The following TNS1 variants were observed in gnomAD, a reference collection of about 807,000 sequenced individuals.
The protein encoded by TNS1 is tensin-1.
Under a neutral mutation model 168.6 loss-of-function variants are expected in TNS1, and 62 were observed. That is an observed-to-expected ratio of 0.37 (90% CI 0.30 to 0.45). TNS1 has a LOEUF of 0.45. Ranked by LOEUF, TNS1 falls within the 20% of genes least tolerant of loss-of-function variation. The pLI is 1.00. For synonymous variants in TNS1, 934 were observed against 933.2 expected (o/e 1.00, Z -0.02); for missense variants, 2,240 against 2,339.4 (o/e 0.96, Z 0.88).
At chr2:217,941,098 C>T (rs531615126) in intron 3 of TNS1, among the ~76,000 whole-genome samples, 3 of 152,366 alleles carry the variant, frequency 2.0e-5, no homozygotes, top group South Asian at 2.1e-4. Flanking sequence ...GAAACTGAGG[C>T]TCATATGAGA....
At chr2:217,954,698 G>T (rs1352061013) in intron 3 of TNS1, among the ~76,000 whole-genome samples, 1 of 152,118 alleles carries the variant, frequency 6.6e-6, no homozygotes, top group East Asian at 1.9e-4. Context: ...ACTGTCAAGA[G>T]CCCCAGCAGC....
chr2:218,029,652 T>C (rs147354169), intron 1 of TNS1, among the ~76,000 whole-genome samples: 81 of 152,350 alleles, frequency 5.3e-4, no homozygotes, highest in Middle Eastern at 3.4e-3. Context: ...AAAGAATACA[T>C]ATGATGTGCT....
At position 217,894,914 on chromosome 2, in the gene TNS1, C is replaced by T. The variant is rs1393542912; in HGVS notation, c.594+92G>A. 2.0e-5 allele frequency: 25 copies of T among 1,262,238 alleles called. 1 individual carries two copies. Among genetic ancestry groups the T allele is most frequent in the Non-Finnish European group, 2.5e-5 (22 of 878,884 alleles). 78.2% of individuals were successfully genotyped at this position (1,262,238 alleles called of 1,614,324 possible). A position where few individuals can be genotyped will look rare whatever the true frequency, so the allele number is the denominator to read the frequency against. ...TCGGCACTCTGACAAACTGTCACAG[C>T]ATTTTCCCCAAGATTATTATGTGGG... On this transcript the variant is annotated intron_variant, in intron 9 of 32. Coordinates refer to ENST00000682258, the MANE Select transcript of TNS1 (RefSeq NM_001387777.1).
At position 217,825,066 on chromosome 2, in the gene TNS1, G is replaced by A. The variant is rs145570019; in HGVS notation, c.3374-3128C>T. On this transcript the variant is annotated intron_variant, in intron 22 of 32. Transcript: ENST00000682258. ...ACATCCATTTTTCTCATTCCCTGAA[G>A]TTCAAGTTGAAACCTATGTGAATGA... 2.4e-3 allele frequency among the ~76,000 whole-genome samples: 366 copies of A among 152,292 alleles called. 4 individuals are homozygous for A. The highest frequency in any genetic ancestry group is 9.2e-3 in the Admixed American group (140 of 15,300).
At chr2:217,952,023 A>G (rs964238100) in intron 3 of TNS1, among the ~76,000 whole-genome samples, 3 of 152,364 alleles carry the variant, frequency 2.0e-5, no homozygotes, top group African/African-American at 7.2e-5. Context: ...ACACAGCCAG[A>G]TGGGCCCCTG....
Position 217,818,343 on chromosome 2 carries a change from T to A in TNS1, c.3989A>T (p.His1330Leu). 7 of 1,614,070 alleles carry A rather than the reference T, an allele frequency of 4.3e-6. No homozygotes were observed. Among genetic ancestry groups the A allele is most frequent in the Non-Finnish European group, 5.9e-6 (7 of 1,180,024 alleles). ...QMMGPPGTGFHGSTVSSPQSS... is the reference protein window; with the variant it reads ...QMMGPPGTGFLGSTVSSPQSS... ...CTGGGGGCTGGAGACAGTGCTACCA[T>A]GGAAGCCAGTGCCTGGTGGACCCAT... Residue 1330 changes from histidine to leucine, a missense_variant, in exon 24 of 33, where the codon CAT becomes CTT. Coordinates refer to ENST00000682258, the MANE Select transcript of TNS1 (RefSeq NM_001387777.1).
At chr2:217,967,094 C>T (rs138086185) in intron 3 of TNS1, among the ~76,000 whole-genome samples, 5,221 of 152,132 alleles carry the variant, frequency 0.034, 313 homozygotes, top group African/African-American at 0.12. Flanking sequence ...CTGAGGTGGG[C>T]GGATCACGAG....
At chr2:217,884,669 G>C (rs1951023396) in intron 16 of TNS1, among the ~76,000 whole-genome samples, 1 of 151,942 alleles carries the variant, frequency 6.6e-6, no homozygotes, top group Admixed American at 6.6e-5. Context: ...ACTTGGTACA[G>C]ATCCTAGCCC....
At position 217,808,226 on chromosome 2, in the gene TNS1, C is replaced by T. The variant is rs181430231; in HGVS notation, c.5343-119G>A. The T allele has an allele frequency of 1.6e-5, 19 of 1,198,210 alleles. No individual in the cohort carries two copies. The African/African-American group carries it at 2.7e-4, about 17-fold the overall frequency. The allele number at this position is 1,198,210 out of a possible 1,614,324, so 74.2% of individuals were successfully genotyped here. The stretch of plus-strand genomic sequence containing the variant: ...GGAGAGGAGCTGCCCCCCATTCCCC[C>T]CTCATTCCCCCATTCCCCCATTCCC... On this transcript the variant is annotated intron_variant, in intron 31 of 32. Coordinates refer to ENST00000682258, the MANE Select transcript of TNS1 (RefSeq NM_001387777.1).
rs966959601 is a variant in TNS1 at position 218,033,797 on chromosome 2, T to A, written c.156+23A>T. 1.3e-5 allele frequency among the ~76,000 whole-genome samples: 2 copies of A among 152,102 alleles called. No individual in the cohort carries two copies. The highest frequency in any genetic ancestry group is 6.5e-5 in the Admixed American group (1 of 15,290). On this transcript the variant is annotated intron_variant, in intron 1 of 1. Transcript: ENST00000649572. This position sits in a 1 kb window ranked among gnomAD's most constrained non-coding sequence, Gnocchi z 4.3. ...AGCTCCCGACTCGGGGCGTCGTCCC[T>A]CACCCATTCCCGCAGCCCCTACCTG...
intron 3 of TNS1, among the ~76,000 whole-genome samples, chr2:217,942,280 CG>C: frequency 6.6e-6 from 1 of 152,272 alleles, no homozygotes; most frequent in East Asian, 1.9e-4. Flanking sequence ...GGTGCTCGGC[CG>C]GACTGGCCGA....
intron 21 of TNS1, among the ~76,000 whole-genome samples, chr2:217,832,714 G>A (rs953542093): frequency 6.6e-6 from 1 of 152,206 alleles, no homozygotes; most frequent in Non-Finnish European, 1.5e-5. Flanking sequence ...TAACTCGTTT[G>A]TGCAGGTGAA....
In TNS1 at chr2:217,900,492, C is replaced by T. The variant is rs1214704736; in HGVS notation, c.342G>A (p.Pro114=). The T allele has an allele frequency of 2.6e-6, 4 of 1,535,306 alleles. No homozygotes were observed. The highest frequency in any genetic ancestry group is 1.2e-5 in the South Asian group (1 of 84,002). The change falls in exon 7 of 33, where the codon CCG becomes CCA. Residue 114 remains proline (P), a synonymous_variant. Transcript: ENST00000682258. The stretch of plus-strand genomic sequence containing the variant: ...TGGGCTGGAGGTGGGGCTGGACACT[C>T]GGGGTGACCCTGGTGGAGCCCTGGG... ...LEDNGSTRVT[P]SVQPHLQPIR... is the part of the protein sequence containing the mutation.
intron 2 of TNS1, among the ~76,000 whole-genome samples, chr2:217,984,816 C>A (rs181875471): frequency 1.6e-4 from 24 of 149,970 alleles, no homozygotes; most frequent in Non-Finnish European, 3.0e-4. Flanking sequence ...AGTGCATTGG[C>A]ATGTTCTCGG....
chr2:217,863,147 C>G (rs1574861212), intron 18 of TNS1, among the ~76,000 whole-genome samples: 2 of 152,162 alleles, frequency 1.3e-5, no homozygotes, highest in African/African-American at 2.4e-5. Flanking sequence ...TCGTAAAGAA[C>G]AGAATGGCTG....
intron 3 of TNS1, among the ~76,000 whole-genome samples, chr2:217,925,213 A>C (rs1349001975): frequency 1.3e-5 from 2 of 152,182 alleles, no homozygotes; most frequent in African/African-American, 4.8e-5. Flanking sequence ...AATGTAAATA[A>C]ATCTTTTTTT....
chr2:217,932,975 A>C (rs1171051356), intron 3 of TNS1, among the ~76,000 whole-genome samples: 2 of 152,192 alleles, frequency 1.3e-5, no homozygotes, highest in East Asian at 3.9e-4. Context: ...CCCCGCAAGC[A>C]GAAAGTCCCG....
At chr2:217,805,563 CACCACACACACCACACACACA>C (rs1938651249) in intron 32 of TNS1, among the ~76,000 whole-genome samples, 1 of 114,184 alleles carries the variant, frequency 8.8e-6, no homozygotes, top group Non-Finnish European at 1.9e-5. Flanking sequence ...CCACACACAC[CACCACACACACCACACACACA>C]ACACACACCA....
intron 18 of TNS1, chr2:217,859,670 T>C: frequency 6.5e-7 from 1 of 1,536,308 alleles, no homozygotes; most frequent in East Asian, 2.4e-5. Context: ...TGCTTCCAAT[T>C]GACTGGCTAT....
Sources: gnomAD v4.1 joint callset for allele counts (sites outside exome capture counted in the v4.1 genomes callset) on GRCh38, gnomAD v4.1.1 for gene constraint, Gnocchi (gnomAD v3.1) non-coding constraint, MANE v1.5 for transcripts, NCBI Gene and HGNC (gene_info 2026-07-23, HGNC 2026-07-21) for gene names.